The following UGGT2 variants were observed in gnomAD, a reference collection of about 807,000 sequenced individuals.
UGGT2 encodes the protein UDP-glucose:glycoprotein glucosyltransferase 2.
UGGT2 carries 180 observed loss-of-function variants against 192.1 expected under a neutral mutation model. The ratio of observed to expected loss-of-function variants is 0.94; its 90% CI spans 0.83 to 1.06. UGGT2 has a LOEUF of 1.06. UGGT2 is among the 50% of genes least tolerant of loss of function. UGGT2 has a pLI of 0.00. For missense variants in UGGT2, 1,849 were observed against 1,795.7 expected (o/e 1.03, Z -0.54); for synonymous variants, 580 against 591.0 (o/e 0.98, Z 0.27).
chr13:95,965,754 AAAAT>A (rs1215928429), intron 12 of UGGT2, among the ~76,000 whole-genome samples: 1 of 152,146 alleles, frequency 6.6e-6, no homozygotes, highest in Non-Finnish European at 1.5e-5. Context: ...AATAATGAAA[AAAAT>A]AAAGAAATTA....
chr13:95,969,281 T>C (rs2050689600), intron 12 of UGGT2, among the ~76,000 whole-genome samples: 1 of 152,196 alleles, frequency 6.6e-6, no homozygotes, highest in South Asian at 2.1e-4. Flanking sequence ...AGCTTATACC[T>C]GGTTTACTCT....
intron 3 of UGGT2, 136 bp downstream of exon 3, chr13:96,023,493 A>T: frequency 1.2e-6 from 1 of 807,586 alleles, no homozygotes; most frequent in Non-Finnish European, 1.7e-6. Context: ...AACAATAATA[A>T]TATAATCAAT....
At chr13:95,802,437 T>A (rs1039239649) in intron 38 of UGGT2, among the ~76,000 whole-genome samples, 1 of 152,166 alleles carries the variant, frequency 6.6e-6, no homozygotes, top group Non-Finnish European at 1.5e-5. Flanking sequence ...CAATTCAAGA[T>A]GGCAGACTAT....
intron 10 of UGGT2, among the ~76,000 whole-genome samples, chr13:95,978,124 G>T (rs867922570): frequency 6.6e-6 from 1 of 151,988 alleles, no homozygotes; most frequent in Non-Finnish European, 1.5e-5. Flanking sequence ...AACCACCATG[G>T]CACAAGTGTA....
intron 4 of UGGT2, among the ~76,000 whole-genome samples, chr13:96,014,446 C>G (rs1468551214): frequency 6.6e-6 from 1 of 152,162 alleles, no homozygotes; most frequent in Non-Finnish European, 1.5e-5. Flanking sequence ...TATTCTAAAT[C>G]AAAATCATTC....
intron 29 of UGGT2, among the ~76,000 whole-genome samples, chr13:95,874,438 A>G (rs1891486624): frequency 1.3e-5 from 2 of 152,190 alleles, no homozygotes; most frequent in Non-Finnish European, 2.9e-5. Context: ...TTGATCTCAT[A>G]ACTGAGAATG....
chr13:95,978,602 G>A (rs1323015313), intron 10 of UGGT2, among the ~76,000 whole-genome samples: 5 of 152,122 alleles, frequency 3.3e-5, no homozygotes, highest in Non-Finnish European at 7.3e-5. Context: ...TTTTTGCATA[G>A]ACCAATGTCC....
chr13:95,916,881 C>T (rs1338031941), intron 20 of UGGT2, among the ~76,000 whole-genome samples: 1 of 151,884 alleles, frequency 6.6e-6, no homozygotes, highest in East Asian at 1.9e-4. Context: ...CAAACAAAAC[C>T]TCCGAGAACT....
intron 36 of UGGT2, among the ~76,000 whole-genome samples, chr13:95,846,000 G>A (rs1431961598): frequency 9.2e-5 from 14 of 152,006 alleles, no homozygotes; most frequent in East Asian, 5.9e-4. Context: ...AGGCAGAGAC[G>A]CTCCTCACTT....
At chr13:95,877,625 T>C in intron 28 of UGGT2, 73 bp downstream of exon 28, 2 of 1,495,384 alleles carry the variant, frequency 1.3e-6, no homozygotes, top group Non-Finnish European at 1.8e-6. Flanking sequence ...AAAGATTATT[T>C]CATTTTACTC....
intron 29 of UGGT2, among the ~76,000 whole-genome samples, chr13:95,871,401 T>A (rs1458135030): frequency 1.3e-5 from 2 of 152,146 alleles, no homozygotes; most frequent in African/African-American, 4.8e-5. Context: ...AGAGCTGTTG[T>A]CAGATTGTGA....
In UGGT2 at chr13:95,989,972, C is replaced by A. The variant is rs1464639347; in HGVS notation, c.931+1G>T. On this transcript the variant is annotated splice_donor_variant, in intron 8 of 38. Coordinates refer to ENST00000376747, the MANE Select transcript of UGGT2 (RefSeq NM_020121.4). LOFTEE classifies it high-confidence loss of function. ...TGTTAAAGTATCTCAAAATACTATA[C>A]CTTGTAGTTCCCAGACTTTCAAAGG... is the stretch of plus-strand genomic sequence containing the variant. 4 of 1,597,776 alleles carry A rather than the reference C, an allele frequency of 2.5e-6. No homozygotes were observed. The East Asian group carries it at 9.0e-5, about 36-fold the overall frequency.
At chr13:95,801,953 G>A (rs1420376921) in intron 38 of UGGT2, 141 bp from the exon 39 acceptor site, 23 of 857,908 alleles carry the variant, frequency 2.7e-5, no homozygotes, top group South Asian at 6.9e-5. Context: ...GCTTCATTAC[G>A]CAACACGAGA....
rs61412956 is a variant in UGGT2 at position 95,888,817 on chromosome 13, C to CT, written c.2959-847dup. On this transcript the variant is annotated intron_variant, in intron 25 of 38. Coordinates refer to ENST00000376747, the MANE Select transcript of UGGT2 (RefSeq NM_020121.4). Reference sequence around the variant, plus strand: ...CATATTTTATATCTCTGTATAATTCCTTTTTTTTTTTTAAGAGACATAGTC... The same window carrying CT: ...CATATTTTATATCTCTGTATAATTCCTTTTTTTTTTTTTAAGAGACATAGTC... Among the ~76,000 whole-genome samples, 1,172 of 145,024 alleles carry CT rather than the reference C, an allele frequency of 8.1e-3. 18 individuals carry two copies. The highest frequency in any genetic ancestry group is 0.026 in the African/African-American group (1,040 of 39,710).
chr13:95,962,358 A>C (rs1458691892), intron 12 of UGGT2, among the ~76,000 whole-genome samples: 1 of 152,140 alleles, frequency 6.6e-6, no homozygotes, highest in African/African-American at 2.4e-5. Flanking sequence ...AAAGTCAGAA[A>C]TGAAGAAGCA....
At chr13:95,866,901 T>A (rs1890714576) in intron 30 of UGGT2, among the ~76,000 whole-genome samples, 1 of 152,084 alleles carries the variant, frequency 6.6e-6, no homozygotes, top group South Asian at 2.1e-4. Flanking sequence ...GCTTTTAAAA[T>A]TTTTTTAAAT....
At chr13:95,828,926 T>G (rs1471061414) in intron 38 of UGGT2, among the ~76,000 whole-genome samples, 1 of 152,124 alleles carries the variant, frequency 6.6e-6, no homozygotes, top group African/African-American at 2.4e-5. Context: ...TTCAATAAAA[T>G]ACTGGCAAAC....
intron 17 of UGGT2, among the ~76,000 whole-genome samples, chr13:95,934,553 G>A (rs573115139): frequency 4.6e-5 from 7 of 152,270 alleles, no homozygotes; most frequent in Middle Eastern, 3.4e-3. Context: ...TGGCCTACAC[G>A]CCTCACTTAA....
intron 30 of UGGT2, among the ~76,000 whole-genome samples, chr13:95,866,888 A>T (rs938598475): frequency 6.6e-6 from 1 of 151,832 alleles, no homozygotes; most frequent in African/African-American, 2.4e-5. Flanking sequence ...TCCGTTCCTC[A>T]TTGCTTTTAA....
Sources: allele counts gnomAD v4.1 joint callset (sites outside exome capture counted in the v4.1 genomes callset), GRCh38; gene constraint gnomAD v4.1.1; transcripts MANE v1.5; gene names NCBI Gene and HGNC (gene_info 2026-07-23, HGNC 2026-07-21).